Variants in GHR observed in about 807,000 individuals in gnomAD.
GHR encodes growth hormone receptor, also known as GH receptor.
A neutral mutation model predicts 67.1 loss-of-function variants in GHR; 35 were observed. The observed-to-expected ratio is 0.52, with a 90% confidence interval of 0.40 to 0.69. The LOEUF is 0.69. Ranked by LOEUF, GHR falls within the 30% of genes least tolerant of loss-of-function variation. The pLI is 0.00. For synonymous variants in GHR, 272 were observed against 269.1 expected (o/e 1.01, Z -0.10); for missense variants, 792 against 764.6 (o/e 1.04, Z -0.42).
intron 3 of GHR, among the ~76,000 whole-genome samples, chr5:42,685,876 C>T (rs192110555): frequency 2.0e-5 from 3 of 151,870 alleles, no homozygotes; most frequent in Admixed American, 1.3e-4. Flanking sequence ...AAAAATATTC[C>T]CCCATTCTGT....
intron 1 of GHR, among the ~76,000 whole-genome samples, chr5:42,479,535 A>G (rs544726232): frequency 1.3e-5 from 2 of 152,192 alleles, no homozygotes; most frequent in South Asian, 4.1e-4. Flanking sequence ...TTGGTTCGTA[A>G]GCTATTCATT....
chr5:42,485,261 T>C (rs1218153100), intron 1 of GHR, among the ~76,000 whole-genome samples: 1 of 152,226 alleles, frequency 6.6e-6, no homozygotes, highest in Non-Finnish European at 1.5e-5. Flanking sequence ...TGGTCTTCCA[T>C]CCGGTAAATT....
intron 1 of GHR, among the ~76,000 whole-genome samples, chr5:42,486,569 C>T (rs896273135): frequency 2.0e-5 from 3 of 152,138 alleles, no homozygotes; most frequent in South Asian, 2.1e-4. Context: ...CAAGTTTGGC[C>T]GGGCACGGTG....
chr5:42,481,976 C>T (rs562234127), intron 1 of GHR, among the ~76,000 whole-genome samples: 1 of 151,770 alleles, frequency 6.6e-6, no homozygotes, highest in South Asian at 2.1e-4. Flanking sequence ...TTAGAGTTTC[C>T]AGTTTTTCTG....
intron 3 of GHR, among the ~76,000 whole-genome samples, chr5:42,640,508 G>T (rs1340497361): frequency 1.3e-5 from 2 of 151,896 alleles, no homozygotes; most frequent in Non-Finnish European, 2.9e-5. Flanking sequence ...GGAAGAGTAG[G>T]ACTTGCCTGG....
chr5:42,639,644 A>C (rs1754370379), intron 3 of GHR, among the ~76,000 whole-genome samples: 1 of 152,210 alleles, frequency 6.6e-6, no homozygotes, highest in Non-Finnish European at 1.5e-5. Context: ...GGTTATCCTC[A>C]GAGAAATGGA....
intron 3 of GHR, among the ~76,000 whole-genome samples, chr5:42,666,277 A>C (rs1755974097): frequency 6.6e-6 from 1 of 152,194 alleles, no homozygotes; most frequent in South Asian, 2.1e-4. Context: ...GGGTGAAATT[A>C]ATTTTAACAA....
chr5:42,442,614 A>C (rs2111961512), intron 1 of GHR, among the ~76,000 whole-genome samples: 1 of 152,324 alleles, frequency 6.6e-6, no homozygotes, highest in East Asian at 1.9e-4. Context: ...GAAGTATAGC[A>C]GTCAGTGATC....
At chr5:42,575,425 G>A (rs994334165) in intron 2 of GHR, among the ~76,000 whole-genome samples, 1 of 152,102 alleles carries the variant, frequency 6.6e-6, no homozygotes, top group African/African-American at 2.4e-5. Flanking sequence ...ATGGTCCAGG[G>A]AGAAAGCGAT....
rs148637439 is a variant in GHR at position 42,538,986 on chromosome 5, G to A, written c.-11-26878G>A. ...TTTTATTGCTGAGACTTTCCAGAGCGTTTTGCATTTCTATAAGCTTGTCCA... is the reference window on the plus strand; with the variant it reads ...TTTTATTGCTGAGACTTTCCAGAGCATTTTGCATTTCTATAAGCTTGTCCA... On this transcript the variant is annotated intron_variant, in intron 1 of 9. Transcript: ENST00000230882. 8.6e-4 allele frequency among the ~76,000 whole-genome samples: 130 copies of A among 151,988 alleles called. No homozygotes were observed. The East Asian group carries it at 9.3e-3, about 11-fold the overall frequency.
At chr5:42,635,313 G>A (rs1334347090) in intron 3 of GHR, among the ~76,000 whole-genome samples, 1 of 152,076 alleles carries the variant, frequency 6.6e-6, no homozygotes, top group Non-Finnish European at 1.5e-5. Context: ...ATAAGAGAAA[G>A]GCAGGTTAAA....
At chr5:42,567,649 A>G (rs1251235356) in intron 2 of GHR, among the ~76,000 whole-genome samples, 1 of 151,826 alleles carries the variant, frequency 6.6e-6, no homozygotes, top group African/African-American at 2.4e-5. Context: ...TTTCCTTTGG[A>G]ATATGTGCAT....
intron 1 of GHR, among the ~76,000 whole-genome samples, chr5:42,545,556 G>T (rs1748699842): frequency 6.6e-6 from 1 of 152,162 alleles, no homozygotes. Flanking sequence ...TGTGGAAAAT[G>T]ATCATCTTGC....
intron 3 of GHR, among the ~76,000 whole-genome samples, chr5:42,654,627 T>C (rs1222487401): frequency 6.6e-6 from 1 of 152,064 alleles, no homozygotes; most frequent in Non-Finnish European, 1.5e-5. Flanking sequence ...TGCCTGAGAG[T>C]TGAGACCCAA....
At chr5:42,660,929 G>GA (rs1246884528) in intron 3 of GHR, among the ~76,000 whole-genome samples, 2 of 152,172 alleles carry the variant, frequency 1.3e-5, no homozygotes, top group African/African-American at 2.4e-5. Context: ...TGATGGAGCT[G>GA]AAAACCAAGG....
chr5:42,533,238 A>G (rs762729944), intron 1 of GHR, among the ~76,000 whole-genome samples: 4 of 151,938 alleles, frequency 2.6e-5, no homozygotes, highest in Non-Finnish European at 5.9e-5. Context: ...TGAATTGCCT[A>G]TTTCTCCTCT....
Position 42,657,641 on chromosome 5 carries a change from T to C in GHR, c.136+28538T>C, listed in dbSNP as rs374252612. Among the ~76,000 whole-genome samples the C allele has an allele frequency of 4.7e-4, 72 of 152,350 alleles. No homozygotes were observed. In the South Asian group the frequency reaches 0.013, roughly 28 times the overall value. On this transcript the variant is annotated intron_variant, in intron 3 of 9. Coordinates refer to ENST00000230882, the MANE Select transcript of GHR (RefSeq NM_000163.5). ...GAATTTAGAAGTATAATACCTGTTA[T>C]AATCAACTTCCTAATCTCTATCCCT...
chr5:42,665,652 C>T (rs910186334), intron 3 of GHR, among the ~76,000 whole-genome samples: 2 of 151,678 alleles, frequency 1.3e-5, no homozygotes, highest in South Asian at 2.1e-4. Flanking sequence ...TGCTAAATGA[C>T]GAGTTAATGG....
At chr5:42,537,302 A>G (rs188626695) in intron 1 of GHR, among the ~76,000 whole-genome samples, 1 of 152,236 alleles carries the variant, frequency 6.6e-6, no homozygotes, top group Non-Finnish European at 1.5e-5. Flanking sequence ...TAGGGCTATG[A>G]ACTTTCCTCT....
Sources: gnomAD v4.1 joint callset for allele counts (sites outside exome capture counted in the v4.1 genomes callset) on GRCh38, gnomAD v4.1.1 for gene constraint, MANE v1.5 for transcripts, NCBI Gene and HGNC (gene_info 2026-07-23, HGNC 2026-07-21) for gene names.